Variants in QKI observed in about 807,000 individuals in gnomAD.
QKI encodes the protein QKI, KH domain containing RNA binding.
In QKI, 10 loss-of-function variants were observed where a neutral mutation model predicts 39.0. The ratio of observed to expected loss-of-function variants is 0.26; its 90% CI spans 0.16 to 0.43. QKI has a LOEUF of 0.43. QKI is among the 20% of genes least tolerant of loss of function. The probability of loss-of-function intolerance (pLI) is 1.00; values close to 1 mark genes in which losing one functional copy is unlikely to be tolerated. For synonymous variants in QKI, 204 were observed against 155.4 expected, an observed-to-expected ratio of 1.31 and a Z score of -2.33; for missense variants, 218 against 428.0, an observed-to-expected ratio of 0.51 and a Z score of 4.33.
intron 1 of QKI, among the ~76,000 whole-genome samples, chr6:163,439,831 G>A (rs567822250): frequency 4.6e-5 from 7 of 151,972 alleles, no homozygotes; most frequent in Admixed American, 4.6e-4. Context: ...TGTATTTTTA[G>A]TAAAGATTGA....
chr6:163,492,144 A>G (rs1465167273), intron 3 of QKI, among the ~76,000 whole-genome samples: 1 of 152,182 alleles, frequency 6.6e-6, no homozygotes, highest in African/African-American at 2.4e-5. Flanking sequence ...TGCTGCAGCA[A>G]TTGATCTTTT....
At chr6:163,550,492 G>A (rs1426234046) in intron 4 of QKI, among the ~76,000 whole-genome samples, 2 of 152,110 alleles carry the variant, frequency 1.3e-5, no homozygotes, top group African/African-American at 4.8e-5. Flanking sequence ...AGATTTGGGG[G>A]GAAGCTATGT....
chr6:163,487,953 CAGAA>C (rs1443664968), intron 3 of QKI, among the ~76,000 whole-genome samples: 1 of 151,892 alleles, frequency 6.6e-6, no homozygotes, highest in Admixed American at 6.6e-5. Flanking sequence ...CAGTTTTTAT[CAGAA>C]AGGCGGAATA....
chr6:163,464,772 C>T (rs1340930359), intron 2 of QKI, among the ~76,000 whole-genome samples: 1 of 152,096 alleles, frequency 6.6e-6, no homozygotes, highest in Non-Finnish European at 1.5e-5. Context: ...AGACGAATTA[C>T]CACCAACCCT....
At chr6:163,564,992 T>G in intron 6 of QKI, 1 of 1,262,854 alleles carries the variant, frequency 7.9e-7, no homozygotes. Flanking sequence ...GTTGTTCAAG[T>G]AAAGAAAGCC....
intron 3 of QKI, among the ~76,000 whole-genome samples, chr6:163,513,105 A>G (rs998700767): frequency 3.9e-5 from 6 of 152,142 alleles, no homozygotes; most frequent in African/African-American, 1.4e-4. Context: ...CTTCATTTAT[A>G]AGTTAATCTT....
intron 3 of QKI, among the ~76,000 whole-genome samples, chr6:163,527,563 T>C (rs1374305975): frequency 2.0e-5 from 3 of 152,158 alleles, no homozygotes; most frequent in African/African-American, 7.2e-5. Flanking sequence ...GGACAATCAG[T>C]ATACTCTAAT....
chr6:163,541,464 G>A (rs1781511710), intron 4 of QKI, among the ~76,000 whole-genome samples: 1 of 148,414 alleles, frequency 6.7e-6, no homozygotes, highest in Non-Finnish European at 1.5e-5. Flanking sequence ...GATGAAGATA[G>A]TTGAAAGCAC....
In QKI at chr6:163,568,520, G is replaced by C. The variant is rs915880475; in HGVS notation, c.1009+1725G>C. 6.1e-6 allele frequency: 6 copies of C among 983,930 alleles called. No individual in the cohort carries two copies. The African/African-American group carries it at 1.0e-4, about 17-fold the overall frequency. The allele number at this position is 983,930 out of a possible 1,614,324, so 60.9% of individuals were successfully genotyped here. A position where few individuals can be genotyped will look rare whatever the true frequency, so the allele number is the denominator to read the frequency against. ...TGCTCATTTCTTTTTTAGTAACAGA[G>C]TACTCGTATACTTATCACTGTATGC... On this transcript the variant is annotated intron_variant, in intron 7 of 7. Coordinates refer to ENST00000361752, the MANE Select transcript of QKI (RefSeq NM_006775.3).
At chr6:163,416,969 C>T (rs1349378869) in intron 1 of QKI, among the ~76,000 whole-genome samples, 5 of 151,498 alleles carry the variant, frequency 3.3e-5, no homozygotes, top group African/African-American at 1.2e-4. Flanking sequence ...CAAATGTGAG[C>T]GCTAAGGGGC....
chr6:163,566,785 C>T lies in QKI; in HGVS notation c.999C>T (p.Thr333=), dbSNP rs773996220. The T allele has an allele frequency of 5.0e-6, 8 of 1,613,498 alleles. No homozygotes were observed. The Admixed American group carries it at 5.0e-5, about 10-fold the overall frequency. The change falls in exon 7 of 8, where the codon ACC becomes ACT. Residue 333 remains threonine, a synonymous_variant. Coordinates refer to ENST00000361752, the MANE Select transcript of QKI (RefSeq NM_006775.3). ...TCCATCCTTACCAAAGGATTGTGACCGCAGACCGAGGTTAGTTTAGTTCTG... is the reference window on the plus strand; with the variant it reads ...TCCATCCTTACCAAAGGATTGTGACTGCAGACCGAGGTTAGTTTAGTTCTG... ...MRVHPYQRIV[T]ADRAATGN
chr6:163,461,337 A>G (rs1426096518), intron 2 of QKI, among the ~76,000 whole-genome samples: 1 of 152,196 alleles, frequency 6.6e-6, no homozygotes. Context: ...TATTTTTCCA[A>G]CGTTTAACAT....
At chr6:163,566,826 A>T (rs765796596) in intron 7 of QKI, 31 bp downstream of exon 7, 1 of 1,610,398 alleles carries the variant, frequency 6.2e-7, no homozygotes, top group South Asian at 1.1e-5. Flanking sequence ...CTTGTCTATA[A>T]GAAATGCGTT....
At chr6:163,567,713 A>G (rs1783450583) in intron 7 of QKI, 5 of 984,014 alleles carry the variant, frequency 5.1e-6, no homozygotes, top group Non-Finnish European at 6.0e-6. Flanking sequence ...TAGGAATATC[A>G]AGCATGGTAG....
Position 163,563,707 on chromosome 6 carries a change from A to T in QKI, c.922A>T (p.Ser308Cys), listed in dbSNP as rs1783174012. The T allele has an allele frequency of 6.2e-7, 1 of 1,613,556 alleles. No homozygotes were observed. The highest frequency in any genetic ancestry group is 8.5e-7 in the Non-Finnish European group (1 of 1,179,652). Residue 308 changes from serine to cysteine, a missense_variant, in exon 6 of 8, where the codon AGT (serine) becomes TGT (cysteine). This residue lies in a region of QKI where 117 missense variants were observed against 186.0 expected (regional missense o/e 0.63). Coordinates refer to ENST00000361752, the MANE Select transcript of QKI (RefSeq NM_006775.3). ...AATCCTTGAGTATCCTATTGAACCT[A>T]GTGGTGTATTAGGTAAGTTCTTCTC... ...TSILEYPIEPSGVLGAVATKV... is the reference protein window; with the variant it reads ...TSILEYPIEPCGVLGAVATKV...
intron 3 of QKI, among the ~76,000 whole-genome samples, chr6:163,487,783 T>A (rs1300205673): frequency 6.6e-6 from 1 of 152,184 alleles, no homozygotes; most frequent in Non-Finnish European, 1.5e-5. Flanking sequence ...TGTTCTTTTT[T>A]GAAAGAATAT....
chr6:163,473,897 G>A (rs185924334), intron 2 of QKI, among the ~76,000 whole-genome samples: 1 of 146,110 alleles, frequency 6.8e-6, no homozygotes, highest in Admixed American at 7.1e-5. Context: ...TTGTGGGCCA[G>A]TTCTATTTAT....
intron 3 of QKI, among the ~76,000 whole-genome samples, chr6:163,502,863 A>G (rs772327580): frequency 7.2e-5 from 11 of 152,128 alleles, no homozygotes; most frequent in Non-Finnish European, 1.5e-4. Flanking sequence ...TTTCGGATGT[A>G]TACCCAGTAA....
chr6:163,533,631 A>C (rs1041408614), intron 3 of QKI, among the ~76,000 whole-genome samples: 1 of 152,208 alleles, frequency 6.6e-6, no homozygotes, highest in Admixed American at 6.5e-5. Flanking sequence ...CATCAAAAAG[A>C]ATGTAATGTG....
Sources: gnomAD v4.1 joint callset for allele counts (sites outside exome capture counted in the v4.1 genomes callset) on GRCh38, gnomAD v4.1.1 for gene constraint, gnomAD v4.1.1 regional missense constraint, MANE v1.5 for transcripts, NCBI Gene and HGNC (gene_info 2026-07-23, HGNC 2026-07-21) for gene names.